Variants in NELL2 observed in about 807,000 individuals in gnomAD.
NELL2 encodes protein kinase C-binding protein NELL2.
Under a neutral mutation model 109.6 loss-of-function variants are expected in NELL2, and 41 were observed. The ratio of observed to expected loss-of-function variants is 0.37; its 90% CI spans 0.29 to 0.49. NELL2 has a LOEUF of 0.49. Ranked by LOEUF, NELL2 falls within the 20% of genes least tolerant of loss-of-function variation. NELL2 has a pLI of 0.98. For missense variants in NELL2, 900 were observed against 1,008.3 expected (o/e 0.89, Z 1.45); for synonymous variants, 355 against 344.7 (o/e 1.03, Z -0.33).
intron 1 of NELL2, among the ~76,000 whole-genome samples, chr12:44,912,310 C>A (rs440398): frequency 6.6e-6 from 1 of 152,016 alleles, no homozygotes; most frequent in Non-Finnish European, 1.5e-5. Flanking sequence ...GCATATTCCA[C>A]AGACTACTAG....
rs74637366 is a variant in NELL2 at position 44,906,558 on chromosome 12, C to A, written c.38+7241G>T. 3.3e-5 allele frequency among the ~76,000 whole-genome samples: 5 copies of A among 152,026 alleles called. No homozygotes were observed. The East Asian group carries it at 9.7e-4, about 29-fold the overall frequency. On this transcript the variant is annotated intron_variant, in intron 1 of 20. Transcript: ENST00000333837. ...GAGAAGTGGTGAGATTCTGGACTTA[C>A]ACTGAATTCAGAGTAGATAGGATTT...
intron 1 of NELL2, among the ~76,000 whole-genome samples, chr12:44,908,100 G>A (rs960819244): frequency 6.6e-6 from 1 of 151,918 alleles, no homozygotes; most frequent in African/African-American, 2.4e-5. Flanking sequence ...TGTATGAAAT[G>A]GACATCTAGA....
intron 12 of NELL2, among the ~76,000 whole-genome samples, chr12:44,691,077 G>C (rs957314484): frequency 6.6e-6 from 1 of 152,106 alleles, no homozygotes; most frequent in Non-Finnish European, 1.5e-5. Flanking sequence ...ATACAACTGT[G>C]GGGAGCTGTT....
chr12:44,846,822 T>C (rs1944385022), intron 2 of NELL2, among the ~76,000 whole-genome samples: 1 of 152,264 alleles, frequency 6.6e-6, no homozygotes, highest in Non-Finnish European at 1.5e-5. Flanking sequence ...ATTTGAGCTC[T>C]CTATGTATGA....
rs533230176 is a variant in NELL2, at chr12:44,713,342, C to G, written c.1086+1308G>C. Among the ~76,000 whole-genome samples the G allele has an allele frequency of 1.1e-4, 17 of 151,808 alleles. No homozygotes were observed. In the East Asian group the frequency reaches 2.9e-3, roughly 26 times the overall value. On this transcript the variant is annotated intron_variant, in intron 10 of 19. Coordinates refer to ENST00000429094, the MANE Select transcript of NELL2 (RefSeq NM_001145108.2). ...TAATGTTAGAGATTACTATTAGAAG[C>G]CAGCTGGCAGAAGTTTTCTTCCCTC...
At chr12:44,745,655 T>G (rs932234669) in intron 9 of NELL2, among the ~76,000 whole-genome samples, 5 of 150,458 alleles carry the variant, frequency 3.3e-5, no homozygotes, top group African/African-American at 9.9e-5. Context: ...TATACACCAA[T>G]AACAGACAGA....
At chr12:44,579,232 A>G (rs190845806) in intron 15 of NELL2, among the ~76,000 whole-genome samples, 7 of 152,320 alleles carry the variant, frequency 4.6e-5, no homozygotes, top group African/African-American at 1.7e-4. Context: ...CCAAGTCTAC[A>G]TGTTTTTGTA....
intron 3 of NELL2, among the ~76,000 whole-genome samples, chr12:44,796,955 T>C (rs1031551949): frequency 6.6e-6 from 1 of 152,020 alleles, no homozygotes; most frequent in Non-Finnish European, 1.5e-5. Context: ...AAACAAATCC[T>C]AAGAAAGAGC....
At chr12:44,836,767 C>T (rs764621065) in intron 2 of NELL2, among the ~76,000 whole-genome samples, 4 of 152,028 alleles carry the variant, frequency 2.6e-5, no homozygotes, top group Non-Finnish European at 4.4e-5. Flanking sequence ...GTCTACAATG[C>T]CGAAGTTTAG....
intron 12 of NELL2, among the ~76,000 whole-genome samples, chr12:44,689,905 C>T (rs577273638): frequency 6.6e-6 from 1 of 152,024 alleles, no homozygotes; most frequent in South Asian, 2.1e-4. Context: ...CTGGTTAAAA[C>T]AAAAAACACT....
intron 3 of NELL2, among the ~76,000 whole-genome samples, chr12:44,791,824 T>C (rs983088294): frequency 2.0e-5 from 3 of 151,978 alleles, no homozygotes; most frequent in Non-Finnish European, 2.9e-5. Flanking sequence ...AGAGGACATA[T>C]AGAAAGGACA....
At chr12:44,635,892 A>G (rs1020388720) in intron 13 of NELL2, among the ~76,000 whole-genome samples, 11 of 151,930 alleles carry the variant, frequency 7.2e-5, no homozygotes, top group African/African-American at 1.2e-4. Context: ...CCATTTTCAC[A>G]ATATTGATTC....
intron 2 of NELL2, among the ~76,000 whole-genome samples, chr12:44,836,546 G>A (rs1049456317): frequency 5.3e-5 from 8 of 152,290 alleles, no homozygotes; most frequent in South Asian, 4.1e-4. Context: ...AAATTCTGAA[G>A]GAATAAAGGG....
intron 3 of NELL2, among the ~76,000 whole-genome samples, chr12:44,791,316 G>GTAACTCAGGAATGGAAAACCAGACA (rs1942424905): frequency 1.4e-5 from 2 of 143,346 alleles, no homozygotes; most frequent in Non-Finnish European, 3.0e-5. Flanking sequence ...TCTAAGTGAA[G>GTAACTCAGGAATGGAAAACCAGACA]TAACTCAGGA....
At chr12:44,595,966 T>C (rs573263081) in intron 15 of NELL2, among the ~76,000 whole-genome samples, 3 of 152,296 alleles carry the variant, frequency 2.0e-5, no homozygotes, top group South Asian at 2.1e-4. Flanking sequence ...ATTACAACTA[T>C]TGGGATTATA....
chr12:44,848,732 A>G (rs1490204042), intron 2 of NELL2, among the ~76,000 whole-genome samples: 1 of 152,176 alleles, frequency 6.6e-6, no homozygotes, highest in Non-Finnish European at 1.5e-5. Context: ...CAATAGACTG[A>G]TCACTACTTC....
At chr12:44,547,638 A>G (rs7979765) in intron 15 of NELL2, among the ~76,000 whole-genome samples, 70,180 of 151,942 alleles carry the variant, frequency 0.46, 17,590 homozygotes, top group East Asian at 0.69. Flanking sequence ...ATCAGAGTTG[A>G]TGAATAAAAC....
intron 1 of NELL2, among the ~76,000 whole-genome samples, chr12:44,902,982 C>A (rs753308895): frequency 6.6e-6 from 1 of 152,164 alleles, no homozygotes; most frequent in Non-Finnish European, 1.5e-5. Context: ...CCATTCAGGA[C>A]ATAGGCATGG....
At chr12:44,618,077 T>C (rs1244014186) in intron 13 of NELL2, among the ~76,000 whole-genome samples, 3 of 152,198 alleles carry the variant, frequency 2.0e-5, no homozygotes, top group Admixed American at 6.5e-5. Context: ...CTTTATATTA[T>C]AGAAAAATTT....
Sources: gnomAD v4.1 joint callset for allele counts (sites outside exome capture counted in the v4.1 genomes callset) on GRCh38, gnomAD v4.1.1 for gene constraint, MANE v1.5 for transcripts, NCBI Gene and HGNC (gene_info 2026-07-23, HGNC 2026-07-21) for gene names.